KAT6B: variants seen among roughly 807,000 people sequenced by gnomAD.
The protein encoded by KAT6B is lysine acetyltransferase 6B.
Under a neutral mutation model 187.5 loss-of-function variants are expected in KAT6B, and 10 were observed. That is an observed-to-expected ratio of 0.05 (90% CI 0.03 to 0.09). KAT6B has a LOEUF of 0.09. Ranked by LOEUF, KAT6B falls within the 10% of genes least tolerant of loss-of-function variation. The pLI, the probability that KAT6B is intolerant of heterozygous loss-of-function variation, is 1.00. For missense variants in KAT6B, 1,952 were observed against 2,558.9 expected (o/e 0.76, Z 5.12); for synonymous variants, 861 against 926.8 (o/e 0.93, Z 1.29).
At chr10:74,840,075 G>C (rs1024046823) in intron 2 of KAT6B, among the ~76,000 whole-genome samples, 6 of 152,190 alleles carry the variant, frequency 3.9e-5, no homozygotes, top group African/African-American at 1.4e-4. Flanking sequence ...GAAAGGGGTG[G>C]AAAGACTCAA....
At chr10:74,873,107 A>G (rs76480276) in intron 3 of KAT6B, among the ~76,000 whole-genome samples, 3,370 of 152,292 alleles carry the variant, frequency 0.022, 69 homozygotes, top group African/African-American at 0.06. Context: ...TTTAAAGGGC[A>G]TATGGGTGTT....
At chr10:74,908,586 T>G (rs375256775) in intron 3 of KAT6B, among the ~76,000 whole-genome samples, 3 of 151,656 alleles carry the variant, frequency 2.0e-5, no homozygotes, top group East Asian at 1.9e-4. Context: ...AATAAACTCC[T>G]TTTCTTTATA....
At chr10:74,959,869 A>T in intron 3 of KAT6B, 101 bp from the exon 4 acceptor site, 1 of 796,154 alleles carries the variant, frequency 1.3e-6, no homozygotes. Context: ...TGTTAAAGAA[A>T]GAAGAAGCTT....
At chr10:74,974,294 A>G (rs907873230) in intron 7 of KAT6B, among the ~76,000 whole-genome samples, 3 of 152,172 alleles carry the variant, frequency 2.0e-5, no homozygotes, top group Non-Finnish European at 4.4e-5. Context: ...TGGTCATTAA[A>G]TCTTTGTATA....
At chr10:74,865,499 A>G (rs557357140) in intron 3 of KAT6B, among the ~76,000 whole-genome samples, 2 of 151,298 alleles carry the variant, frequency 1.3e-5, no homozygotes, top group South Asian at 2.1e-4. Context: ...GTTTTATACA[A>G]TCTGTATTAA....
intron 3 of KAT6B, among the ~76,000 whole-genome samples, chr10:74,931,558 A>G (rs1848877093): frequency 6.6e-6 from 1 of 152,206 alleles, no homozygotes; most frequent in Non-Finnish European, 1.5e-5. Context: ...TAAGTGTTCA[A>G]GTATTTCTTT....
chr10:74,926,309 C>T (rs1171897582), intron 3 of KAT6B, among the ~76,000 whole-genome samples: 1 of 152,152 alleles, frequency 6.6e-6, no homozygotes, highest in Admixed American at 6.5e-5. Context: ...CAAAAATTAG[C>T]TGGGTGTGGT....
intron 3 of KAT6B, among the ~76,000 whole-genome samples, chr10:74,951,971 A>G (rs545019453): frequency 7.2e-5 from 11 of 152,246 alleles, no homozygotes; most frequent in African/African-American, 2.4e-4. Context: ...CTCTGCCATC[A>G]TGATGGAACT....
chr10:74,998,629 T>C (rs1162800394), intron 13 of KAT6B, among the ~76,000 whole-genome samples: 1 of 152,232 alleles, frequency 6.6e-6, no homozygotes, highest in African/African-American at 2.4e-5. Context: ...TATTAGCTGC[T>C]GAGAATTATG....
Position 74,874,830 on chromosome 10 carries a change from G to T in KAT6B, c.621+31352G>T, listed in dbSNP as rs113408986. ...GTGTGTGTGGGGTGTGTGTGTGTGT[G>T]TATGTGTGTGTGTGTTTGTGTGTTT... On this transcript the variant is annotated intron_variant, in intron 3 of 17. Transcript: ENST00000287239. Among the ~76,000 whole-genome samples the T allele has an allele frequency of 5.0e-3, 752 of 151,910 alleles. 7 individuals carry two copies. The highest frequency in any genetic ancestry group is 0.017 in the African/African-American group (718 of 41,332).
intron 3 of KAT6B, among the ~76,000 whole-genome samples, chr10:74,846,851 TA>T (rs1269882450): frequency 6.6e-6 from 1 of 152,214 alleles, no homozygotes; most frequent in Non-Finnish European, 1.5e-5. Context: ...TACACTACCC[TA>T]AGGTATGTTA....
chr10:74,946,171 T>C (rs1340471690), intron 3 of KAT6B, among the ~76,000 whole-genome samples: 1 of 152,356 alleles, frequency 6.6e-6, no homozygotes, highest in Non-Finnish European at 1.5e-5. Context: ...GATAATTTTG[T>C]CTATCAGTGA....
chr10:74,988,971 C>T (rs774579394), intron 12 of KAT6B, 48 bp from the exon 13 acceptor site: 1 of 1,315,110 alleles, frequency 7.6e-7, no homozygotes, highest in Non-Finnish European at 1.1e-6. Context: ...GGGAATTGCC[C>T]ACTTCAGCAG....
chr10:74,917,642 G>A, intron 3 of KAT6B, among the ~76,000 whole-genome samples: 1 of 152,222 alleles, frequency 6.6e-6, no homozygotes, highest in Non-Finnish European at 1.5e-5. Context: ...AAACAATGTA[G>A]TGCCTTTAAA....
At chr10:74,943,124 G>A (rs551799528) in intron 3 of KAT6B, among the ~76,000 whole-genome samples, 2 of 152,272 alleles carry the variant, frequency 1.3e-5, no homozygotes, top group African/African-American at 4.8e-5. Context: ...AACTAGAGAG[G>A]ATTTAGCAGG....
At chr10:74,863,057 C>A in intron 3 of KAT6B, among the ~76,000 whole-genome samples, 1 of 152,098 alleles carries the variant, frequency 6.6e-6, no homozygotes, top group East Asian at 1.9e-4. Flanking sequence ...GAAAAGGAGT[C>A]TATTATTTTC....
chr10:74,910,664 A>T, intron 3 of KAT6B, among the ~76,000 whole-genome samples: 2 of 144,846 alleles, frequency 1.4e-5, no homozygotes, highest in Non-Finnish European at 1.5e-5. Context: ...CATCCTTCTC[A>T]CTCTCCCTGA....
At chr10:74,903,987 A>G (rs1043679751) in intron 3 of KAT6B, among the ~76,000 whole-genome samples, 5 of 152,172 alleles carry the variant, frequency 3.3e-5, no homozygotes, top group African/African-American at 1.2e-4. Flanking sequence ...TGGTCAGTAC[A>G]TTATCTCCCT....
chr10:74,898,712 A>G (rs372587423), intron 3 of KAT6B, among the ~76,000 whole-genome samples: 1 of 152,126 alleles, frequency 6.6e-6, no homozygotes, highest in African/African-American at 2.4e-5. Context: ...TGGTTTTCCT[A>G]CTGAAATACT....
Sources: allele counts gnomAD v4.1 joint callset (sites outside exome capture counted in the v4.1 genomes callset), GRCh38; gene constraint gnomAD v4.1.1; transcripts MANE v1.5; gene names NCBI Gene and HGNC (gene_info 2026-07-23, HGNC 2026-07-21).